The following EMC8 variants were observed in gnomAD, a reference collection of about 807,000 sequenced individuals.
The protein encoded by EMC8 is COX4 neighbor.
EMC8 carries 11 observed loss-of-function variants against 24.3 expected under a neutral mutation model. That is an observed-to-expected ratio of 0.45 (90% confidence interval 0.28 to 0.75). The LOEUF (loss-of-function observed/expected upper bound fraction) is 0.75. Ranked by LOEUF, EMC8 falls within the 30% of genes least tolerant of loss-of-function variation. The pLI is 0.12. For synonymous variants in EMC8, 145 were observed against 117.7 expected, an observed-to-expected ratio of 1.23 and a Z score of -1.50; for missense variants, 277 against 282.7, an observed-to-expected ratio of 0.98 and a Z score of 0.14.
chr16:85,799,464 T>G lies in EMC8; in HGVS notation c.-169A>C. 1 of 399,438 alleles carries G rather than the reference T, an allele frequency of 2.5e-6. No individual in the cohort carries two copies. Among genetic ancestry groups the G allele is most frequent in the African/African-American group, 2.1e-5 (1 of 47,614 alleles). 24.7% of individuals were successfully genotyped at this position (399,438 alleles called of 1,614,324 possible). A position where few individuals can be genotyped will look rare whatever the true frequency, so the allele number is the denominator to read the frequency against. On this transcript the variant is annotated 5_prime_UTR_variant, in exon 1 of 5. Transcript: ENST00000253457. This position sits in a 1 kb window ranked among gnomAD's most constrained non-coding sequence, Gnocchi z 4.2. ...GGCCCGGCCCCGTTTGGGCCTCGGCTCCTGGAAAAGCGACTCGCGCCTCTG... is the reference window on the plus strand; with the variant it reads ...GGCCCGGCCCCGTTTGGGCCTCGGCGCCTGGAAAAGCGACTCGCGCCTCTG...
In EMC8 at chr16:85,779,801, G is replaced by A. The variant is rs372359896; in HGVS notation, c.540C>T (p.Tyr180=). The A allele has an allele frequency of 3.0e-5, 48 of 1,614,018 alleles. No homozygotes were observed. The highest frequency in any genetic ancestry group is 3.6e-5 in the Non-Finnish European group (42 of 1,180,012). Residue 180 remains tyrosine (Y), a synonymous_variant, in exon 5 of 5, where the codon TAC becomes TAT. Transcript: ENST00000253457. Reference sequence around the variant, plus strand: ...GGTTATCGAAATCCACGAGCGTCTCGTAGGACCGGCTGTCCAGGAGCGAGG... The same window carrying A: ...GGTTATCGAAATCCACGAGCGTCTCATAGGACCGGCTGTCCAGGAGCGAGG... The part of the protein sequence containing the change: ...ISASLLDSRS[Y]ETLVDFDNHL...
intron 1 of EMC8, among the ~76,000 whole-genome samples, chr16:85,794,473 G>C (rs1905160270): frequency 6.6e-6 from 1 of 152,176 alleles, no homozygotes; most frequent in Non-Finnish European, 1.5e-5. Context: ...CGGACTGCCT[G>C]AGCTCAGGAG....
At chr16:85,787,307 G>C (rs993303170) in intron 2 of EMC8, among the ~76,000 whole-genome samples, 3 of 152,170 alleles carry the variant, frequency 2.0e-5, no homozygotes, top group South Asian at 2.1e-4. Context: ...CTGGTTTACA[G>C]GACACCATGC....
intron 1 of EMC8, among the ~76,000 whole-genome samples, chr16:85,791,405 A>G (rs535264046): frequency 6.6e-6 from 1 of 152,236 alleles, no homozygotes; most frequent in South Asian, 2.1e-4. Context: ...GCACCTACCA[A>G]CCCGTCACCT....
At chr16:85,784,520 A>G (rs1904660413) in intron 2 of EMC8, 1 of 152,228 alleles carries the variant, frequency 6.6e-6, no homozygotes. Context: ...ATATGACTTA[A>G]AAATGTGACT....
intron 1 of EMC8, among the ~76,000 whole-genome samples, chr16:85,791,648 G>A (rs1335790001): frequency 2.0e-5 from 3 of 152,278 alleles, no homozygotes; most frequent in Admixed American, 6.5e-5. Context: ...TCTATAATGG[G>A]TCAGCAGAGC....
At position 85,781,292 on chromosome 16, in the gene EMC8, A is replaced by ACAG. The variant is rs112101311; in HGVS notation, c.309-13_309-12insCTG. The ACAG allele has an allele frequency of 4.9e-6, 6 of 1,215,532 alleles. No homozygotes were observed. Among genetic ancestry groups the ACAG allele is most frequent in the South Asian group, 3.8e-5 (3 of 78,224 alleles). The allele number at this position is 1,215,532 out of a possible 1,614,324, so 75.3% of individuals were successfully genotyped here. A position where few individuals can be genotyped will look rare whatever the true frequency, so the allele number is the denominator to read the frequency against. On this transcript the variant is annotated splice_polypyrimidine_tract_variant and intron_variant, in intron 2 of 4. Transcript: ENST00000253457. ...CAACCTGGTTTGGACTGTCAAAGAA[A>ACAG]TAGGCTACCACATTCCAGTTAATGC...
chr16:85,780,176 T>C (rs957524437), intron 4 of EMC8: 1 of 605,046 alleles, frequency 1.7e-6, no homozygotes, highest in Non-Finnish European at 2.9e-6. Context: ...GCGCCTGGGG[T>C]GGGAAGACCT....
chr16:85,781,015 A>G, intron 3 of EMC8, 196 bp downstream of exon 3: 1 of 582,432 alleles, frequency 1.7e-6, no homozygotes, highest in Non-Finnish European at 3.1e-6. Flanking sequence ...CCACTTGTGT[A>G]GTGATGCGGA....
intron 1 of EMC8, among the ~76,000 whole-genome samples, chr16:85,795,684 T>C (rs1409198996): frequency 6.6e-6 from 1 of 152,204 alleles, no homozygotes; most frequent in African/African-American, 2.4e-5. Flanking sequence ...TTCATCTGTA[T>C]CCTTTGCAGT....
chr16:85,799,148 G>T lies in EMC8; in HGVS notation c.148C>A (p.His50Asn). Residue 50 changes from histidine to asparagine, a missense_variant, in exon 1 of 5, where the codon CAC (histidine) becomes AAC (asparagine). By Grantham distance (68) the His-to-Asn change is moderately conservative (BLOSUM62 1). Transcript: ENST00000253457. This position sits in a 1 kb window ranked among gnomAD's most constrained non-coding sequence, Gnocchi z 4.2. The stretch of plus-strand genomic sequence containing the variant: ...ATGCAGTCCACGAAGAGGGTGTGGT[G>T]GGCGCCGGGGCCGCCCAGGGGGAGG... ...EHLPLGGPGA[H>N]HTLFVDCIPL... is the part of the protein sequence containing the mutation. 1 of 1,604,958 alleles carries T rather than the reference G, an allele frequency of 6.2e-7. No homozygotes were observed. Among genetic ancestry groups the T allele is most frequent in the African/African-American group, 1.3e-5 (1 of 74,882 alleles).
chr16:85,796,383 C>T (rs532517505), intron 1 of EMC8, among the ~76,000 whole-genome samples: 2 of 152,266 alleles, frequency 1.3e-5, no homozygotes, highest in Admixed American at 1.3e-4. Context: ...TCTTCTGTCC[C>T]CTTCTCCGTA....
intron 2 of EMC8, among the ~76,000 whole-genome samples, chr16:85,783,323 C>A (rs963371518): frequency 6.6e-6 from 1 of 152,020 alleles, no homozygotes; most frequent in Non-Finnish European, 1.5e-5. Context: ...GACAGAGTCT[C>A]GCTTCGTTGC....
chr16:85,782,693 C>G (rs879459406), intron 2 of EMC8, among the ~76,000 whole-genome samples: 3 of 152,182 alleles, frequency 2.0e-5, no homozygotes, highest in African/African-American at 7.2e-5. Flanking sequence ...AACCCATTCC[C>G]TTGCAGAGCA....
rs74726032 is a variant in EMC8, at chr16:85,781,461, T to C, written c.309-181A>G. The C allele has an allele frequency of 4.4e-3, 2,553 of 578,972 alleles. 50 individuals are homozygous for C. The highest frequency in any genetic ancestry group is 0.041 in the African/African-American group (2,195 of 53,594). The allele number at this position is 578,972 out of a possible 1,614,324, so 35.9% of individuals were successfully genotyped here. ...TAATTTTTTGGTAGAGATAGGGTCT[T>C]GCTCTGCTGCCCTAGCTGGAGTGTA... On this transcript the variant is annotated intron_variant, in intron 2 of 4. Transcript: ENST00000253457.
rs1436427104 is a variant in EMC8, at chr16:85,779,684, G to A, written c.*24C>T. 2 of 1,610,820 alleles carry A rather than the reference G, an allele frequency of 1.2e-6. No individual in the cohort carries two copies. Among genetic ancestry groups the A allele is most frequent in the African/African-American group, 2.7e-5 (2 of 74,896 alleles). ...TTCTTCAACGTAGTGGAAAGGCCCG[G>A]AGCCCAGTCACAGCGGTGCCTGCCT... On this transcript the variant is annotated 3_prime_UTR_variant, in exon 5 of 5. Transcript: ENST00000253457.
At chr16:85,798,010 A>G (rs1223883311) in intron 1 of EMC8, among the ~76,000 whole-genome samples, 1 of 151,942 alleles carries the variant, frequency 6.6e-6, no homozygotes, top group African/African-American at 2.4e-5. Flanking sequence ...TGCATGCTAC[A>G]TCTTTTTTCC....
chr16:85,794,411 G>C (rs969074440), intron 1 of EMC8, among the ~76,000 whole-genome samples: 21 of 152,322 alleles, frequency 1.4e-4, no homozygotes, highest in Admixed American at 9.2e-4. Context: ...AGTCAGGGCT[G>C]AGTGCGGTGA....
Position 85,780,548 on chromosome 16 carries a change from T to C in EMC8, c.379-75A>G. 4 of 1,077,876 alleles carry C rather than the reference T, an allele frequency of 3.7e-6. No homozygotes were observed. The South Asian group carries it at 4.0e-5, about 11-fold the overall frequency. The allele number at this position is 1,077,876 out of a possible 1,614,324, so 66.8% of individuals were successfully genotyped here. On this transcript the variant is annotated intron_variant, in intron 3 of 4. Coordinates refer to ENST00000253457, the MANE Select transcript of EMC8 (RefSeq NM_006067.5). ...GCAGCGGCAGGCGCCTCCTCGGGGC[T>C]CTCCCTGCAGCCGTGCCCACGCTGG...
Sources: gnomAD v4.1 joint callset for allele counts (sites outside exome capture counted in the v4.1 genomes callset) on GRCh38, gnomAD v4.1.1 for gene constraint, Gnocchi (gnomAD v3.1) non-coding constraint, MANE v1.5 for transcripts, NCBI Gene and HGNC (gene_info 2026-07-23, HGNC 2026-07-21) for gene names.